The following GATA6 variants were observed in gnomAD, a reference collection of about 807,000 sequenced individuals.
GATA6 encodes GATA binding protein 6.
GATA6 carries 11 observed loss-of-function variants against 48.1 expected under a neutral mutation model. That is an observed-to-expected ratio of 0.23 (90% CI 0.14 to 0.38). The LOEUF is 0.38. GATA6 is among the 10% of genes least tolerant of loss of function. The pLI is 1.00. For missense variants in GATA6, 795 were observed against 850.3 expected, an observed-to-expected ratio of 0.93 and a Z score of 0.81; for synonymous variants, 419 against 396.1, an observed-to-expected ratio of 1.06 and a Z score of -0.69.
At chr18:22,194,301 A>T (rs1479192644) in intron 6 of GATA6, among the ~76,000 whole-genome samples, 1 of 152,218 alleles carries the variant, frequency 6.6e-6, no homozygotes, top group Non-Finnish European at 1.5e-5. Flanking sequence ...TTCTTTCAAC[A>T]GGAAGTGCCT....
At chr18:22,190,963 C>A (rs899600137) in intron 6 of GATA6, among the ~76,000 whole-genome samples, 1 of 150,446 alleles carries the variant, frequency 6.6e-6, no homozygotes, top group Non-Finnish European at 1.5e-5. Context: ...TTCAAGCATG[C>A]GGATTTGCAT....
chr18:22,200,082 T>C (rs879171511), intron 6 of GATA6, among the ~76,000 whole-genome samples: 1 of 152,164 alleles, frequency 6.6e-6, no homozygotes, highest in Non-Finnish European at 1.5e-5. Context: ...ATGAAGTCAA[T>C]GTTCAAAAAT....
chr18:22,198,852 A>T (rs2033422027), intron 6 of GATA6, among the ~76,000 whole-genome samples: 1 of 152,234 alleles, frequency 6.6e-6, no homozygotes, highest in Non-Finnish European at 1.5e-5. Flanking sequence ...GAAGCTTTAG[A>T]CATCTCACTG....
intron 3 of GATA6, 146 bp downstream of exon 3, chr18:22,177,267 A>T (rs1415405450): frequency 7.0e-6 from 5 of 711,244 alleles, no homozygotes; most frequent in African/African-American, 1.9e-5. Flanking sequence ...GCGGGGACCC[A>T]GCGGTACCAT....
Position 22,172,248 on chromosome 18 carries a change from C to A in GATA6, c.1104C>A (p.Ala368=). The A allele has an allele frequency of 3.3e-6, 5 of 1,533,778 alleles. No homozygotes were observed. The highest frequency in any genetic ancestry group is 4.4e-6 in the Non-Finnish European group (5 of 1,146,184). Residue 368 remains alanine, a synonymous_variant, in exon 2 of 7, where the codon GCC becomes GCA. Transcript: ENST00000269216. This position sits in a 1 kb window ranked among gnomAD's most constrained non-coding sequence, Gnocchi z 5.2. ...VLHSLQSRAG[A]PLPVPRGPSA... is the part of the protein sequence containing the mutation. ...ACAGCCTGCAGAGCCGCGCCGGAGC[C>A]CCGCTCCCGGTGCCCCGGGGTCCCA...
Position 22,172,902 on chromosome 18 carries a change from G to A in GATA6, c.1135+623G>A, listed in dbSNP as rs2033075616. Among the ~76,000 whole-genome samples the A allele has an allele frequency of 6.6e-6, 1 of 152,214 alleles. No individual in the cohort carries two copies. The highest frequency in any genetic ancestry group is 2.4e-5 in the African/African-American group (1 of 41,446). On this transcript the variant is annotated intron_variant, in intron 2 of 6. Transcript: ENST00000269216. This position sits in a 1 kb window ranked among gnomAD's most constrained non-coding sequence, Gnocchi z 5.2. ...AGAGGGAAAGAAGAGAGGGCACCTG[G>A]AGTGGTCAGACTTGTGACTTCATGG...
Position 22,170,854 on chromosome 18 carries a change from C to T in GATA6, c.-37-254C>T. ...GGCGGGGAGGACGCGGGGACCGGAG[C>T]GGTGCCTTTGAGGGAGGGCTGGTAT... On this transcript the variant is annotated intron_variant, in intron 1 of 6. Coordinates refer to ENST00000269216, the MANE Select transcript of GATA6 (RefSeq NM_005257.6). The surrounding 1 kb of genome is among the most constrained non-coding windows in gnomAD (Gnocchi z 6.7). 1 of 512,342 alleles carries T rather than the reference C, an allele frequency of 2.0e-6. No individual in the cohort carries two copies. Among genetic ancestry groups the T allele is most frequent in the Non-Finnish European group, 3.5e-6 (1 of 287,522 alleles). The allele number at this position is 512,342 out of a possible 1,614,324, so 31.7% of individuals were successfully genotyped here.
intron 6 of GATA6, among the ~76,000 whole-genome samples, chr18:22,196,234 G>A (rs1175569484): frequency 6.6e-6 from 1 of 152,042 alleles, no homozygotes; most frequent in Non-Finnish European, 1.5e-5. Context: ...GCTTTTAATT[G>A]CAAATGAGCA....
intron 2 of GATA6, among the ~76,000 whole-genome samples, chr18:22,174,728 ATT>A (rs35173458): frequency 1.5e-3 from 213 of 143,274 alleles, no homozygotes; most frequent in Non-Finnish European, 1.4e-3. Flanking sequence ...TGTTTCTTAG[ATT>A]TTTTTTTTTT....
At chr18:22,197,524 T>C (rs2033405942) in intron 6 of GATA6, among the ~76,000 whole-genome samples, 1 of 152,236 alleles carries the variant, frequency 6.6e-6, no homozygotes, top group Non-Finnish European at 1.5e-5. Flanking sequence ...TGGCTTTTCT[T>C]CTGAACAGGC....
intron 3 of GATA6, 80 bp downstream of exon 3, chr18:22,177,201 C>G: frequency 7.4e-7 from 1 of 1,349,938 alleles, no homozygotes; most frequent in Non-Finnish European, 9.8e-7. Context: ...CTGGCTCGGC[C>G]TGCCTTGGGC....
chr18:22,171,877 G>A lies in GATA6; in HGVS notation c.733G>A (p.Gly245Arg). 1 of 1,151,502 alleles carries A rather than the reference G, an allele frequency of 8.7e-7. No individual in the cohort carries two copies. Among genetic ancestry groups the A allele is most frequent in the African/African-American group, 1.6e-5 (1 of 61,150 alleles). 71.3% of individuals were successfully genotyped at this position (1,151,502 alleles called of 1,614,324 possible). ...CAGCGGAGGCGGCGCGGCTGGCGGC[G>A]GGGCCGCGGGGCCTGGCGGCGCTGG... ...YGSGGGAAGGGAAGPGGAGSA... is the reference protein window; with the variant it reads ...YGSGGGAAGGRAAGPGGAGSA... Residue 245 changes from glycine to arginine, a missense_variant, in exon 2 of 7, where the codon GGG becomes AGG. By Grantham distance (125) the Gly-to-Arg change is moderately radical (BLOSUM62 -2). This residue lies in a region of GATA6 where 591 missense variants were observed against 570.0 expected (regional missense o/e 1.04). Transcript: ENST00000269216. The surrounding 1 kb of genome is among the most constrained non-coding windows in gnomAD (Gnocchi z 7.1).
chr18:22,181,722 T>A, intron 4 of GATA6, 144 bp downstream of exon 4: 1 of 821,156 alleles, frequency 1.2e-6, no homozygotes, highest in Non-Finnish European at 2.0e-6. Context: ...TTTAATATAT[T>A]CAGTGTACAT....
rs984982360 is a variant in GATA6 at position 22,170,388 on chromosome 18, C to T, written c.-38+706C>T. On this transcript the variant is annotated intron_variant, in intron 1 of 6. Transcript: ENST00000269216. This position sits in a 1 kb window ranked among gnomAD's most constrained non-coding sequence, Gnocchi z 6.7. ...CGGCGCCGCGGGGACGCCGGTGGGG[C>T]TGGCGATTCCCGCCCCACAAGCTCT... Among the ~76,000 whole-genome samples the T allele has an allele frequency of 6.6e-6, 1 of 152,214 alleles. No homozygotes were observed. Among genetic ancestry groups the T allele is most frequent in the Non-Finnish European group, 1.5e-5 (1 of 68,036 alleles).
intron 3 of GATA6, among the ~76,000 whole-genome samples, chr18:22,179,544 T>C (rs1471528099): frequency 4.6e-5 from 7 of 152,230 alleles, no homozygotes; most frequent in Admixed American, 3.3e-4. Context: ...TTGCTTCACA[T>C]TGGCTCCAAA....
chr18:22,199,920 A>AG (rs1321403163), intron 6 of GATA6, among the ~76,000 whole-genome samples: 68 of 151,210 alleles, frequency 4.5e-4, no homozygotes, highest in African/African-American at 1.1e-3. Flanking sequence ...AAAAAAAAAA[A>AG]AAAGAAAGAA....
intron 3 of GATA6, among the ~76,000 whole-genome samples, chr18:22,180,714 G>A (rs1460117722): frequency 6.7e-6 from 1 of 149,674 alleles, no homozygotes; most frequent in South Asian, 2.1e-4. Context: ...CCCCTCTTCT[G>A]AAAGCCATTT....
chr18:22,200,070 C>G (rs1168648265), intron 6 of GATA6, among the ~76,000 whole-genome samples: 1 of 152,070 alleles, frequency 6.6e-6, no homozygotes, highest in Non-Finnish European at 1.5e-5. Context: ...GGTTTATTTT[C>G]CATGAAGTCA....
At chr18:22,181,716 A>G (rs2033198080) in intron 4 of GATA6, 138 bp downstream of exon 4, 1 of 865,524 alleles carries the variant, frequency 1.2e-6, no homozygotes, top group African/African-American at 1.7e-5. Context: ...AATATGTTTA[A>G]TATATTCAGT....
Sources: allele counts gnomAD v4.1 joint callset (sites outside exome capture counted in the v4.1 genomes callset), GRCh38; gene constraint gnomAD v4.1.1; regional missense constraint gnomAD v4.1.1; non-coding constraint Gnocchi (gnomAD v3.1); transcripts MANE v1.5; gene names NCBI Gene and HGNC (gene_info 2026-07-23, HGNC 2026-07-21).